The following PRKCA variants were observed in gnomAD, a reference collection of about 807,000 sequenced individuals.
PRKCA encodes protein kinase C alpha.
PRKCA carries 27 observed loss-of-function variants against 87.0 expected under a neutral mutation model. The observed-to-expected ratio is 0.31, with a 90% CI of 0.23 to 0.43. The LOEUF is 0.43. Among genes scored for constraint, PRKCA ranks in the 20% least tolerant of loss-of-function variants. PRKCA has a pLI of 1.00. For synonymous variants in PRKCA, 329 were observed against 311.1 expected, an observed-to-expected ratio of 1.06 and a Z score of -0.61; for missense variants, 518 against 852.3, an observed-to-expected ratio of 0.61 and a Z score of 4.88.
chr17:66,393,675 A>C lies in PRKCA; in HGVS notation c.205+87548A>C, dbSNP rs561635234. Among the ~76,000 whole-genome samples the C allele has an allele frequency of 6.0e-5, 9 of 151,114 alleles. No homozygotes were observed. The South Asian group carries it at 1.7e-3, about 28-fold the overall frequency. On this transcript the variant is annotated intron_variant, in intron 2 of 16. Transcript: ENST00000413366. ...GTGTGTGTGTGTGTGTGCGCCGTCA[A>C]ATGTTGGAGCTTCTGGGGACCACCC...
chr17:66,667,577 C>T (rs564700134), intron 5 of PRKCA, among the ~76,000 whole-genome samples: 3 of 152,258 alleles, frequency 2.0e-5, no homozygotes, highest in African/African-American at 7.2e-5. Context: ...CAGGTCCCTC[C>T]CACAACACAT....
At chr17:66,445,272 G>T (rs907133342) in intron 2 of PRKCA, among the ~76,000 whole-genome samples, 3 of 152,180 alleles carry the variant, frequency 2.0e-5, no homozygotes, top group African/African-American at 4.8e-5. Context: ...AGAAACCCAG[G>T]GAGGGCTGCA....
At chr17:66,644,953 G>C (rs1191433638) in intron 4 of PRKCA, among the ~76,000 whole-genome samples, 1 of 150,738 alleles carries the variant, frequency 6.6e-6, no homozygotes, top group Non-Finnish European at 1.5e-5. Context: ...TTATGCCACT[G>C]CACTCTAGCC....
At chr17:66,501,319 C>G (rs942546173) in intron 3 of PRKCA, among the ~76,000 whole-genome samples, 5 of 152,176 alleles carry the variant, frequency 3.3e-5, no homozygotes, top group Admixed American at 1.3e-4. Context: ...AAGGACCCTC[C>G]CTGGAGATCC....
chr17:66,450,412 CAG>C (rs906131796), intron 2 of PRKCA, among the ~76,000 whole-genome samples: 1 of 152,168 alleles, frequency 6.6e-6, no homozygotes, highest in Non-Finnish European at 1.5e-5. Flanking sequence ...ATGCCTTTCA[CAG>C]AGTCTGATGA....
intron 3 of PRKCA, among the ~76,000 whole-genome samples, chr17:66,500,338 A>G (rs1410302946): frequency 1.3e-5 from 2 of 152,242 alleles, no homozygotes; most frequent in Non-Finnish European, 2.9e-5. Flanking sequence ...CAAATCTGCA[A>G]GCAAATCTTA....
At chr17:66,594,653 T>C (rs941880134) in intron 3 of PRKCA, among the ~76,000 whole-genome samples, 10 of 152,092 alleles carry the variant, frequency 6.6e-5, no homozygotes, top group Admixed American at 5.2e-4. Flanking sequence ...ACATTTACAG[T>C]TAAATTCCCC....
chr17:66,438,758 A>C (rs563674183), intron 2 of PRKCA, among the ~76,000 whole-genome samples: 2 of 152,288 alleles, frequency 1.3e-5, no homozygotes, highest in African/African-American at 4.8e-5. Context: ...CGCAGCAGGA[A>C]GGAGAATGAA....
chr17:66,445,424 A>G (rs750539073), intron 2 of PRKCA, among the ~76,000 whole-genome samples: 1 of 152,246 alleles, frequency 6.6e-6, no homozygotes, highest in Non-Finnish European at 1.5e-5. Flanking sequence ...GCCATTCAGA[A>G]GAATTACCTC....
chr17:66,666,159 A>G (rs961760523), intron 5 of PRKCA, among the ~76,000 whole-genome samples: 3 of 152,234 alleles, frequency 2.0e-5, no homozygotes, highest in South Asian at 4.1e-4. Context: ...GCACCATCAC[A>G]TAGACTACAT....
intron 3 of PRKCA, among the ~76,000 whole-genome samples, chr17:66,544,043 C>T (rs1968073859): frequency 1.3e-5 from 2 of 152,140 alleles, no homozygotes; most frequent in African/African-American, 4.8e-5. Flanking sequence ...GAAACCCTGA[C>T]TGTACTAAAA....
intron 3 of PRKCA, among the ~76,000 whole-genome samples, chr17:66,575,548 C>T (rs1379302357): frequency 6.6e-6 from 1 of 152,120 alleles, no homozygotes; most frequent in Non-Finnish European, 1.5e-5. Flanking sequence ...TCCTTGCACT[C>T]CAGCCTGGGT....
intron 8 of PRKCA, among the ~76,000 whole-genome samples, chr17:66,721,596 G>T (rs1373194586): frequency 2.6e-5 from 4 of 152,138 alleles, no homozygotes; most frequent in Non-Finnish European, 5.9e-5. Flanking sequence ...ACCACTGGAT[G>T]TTACCATGGC....
At chr17:66,665,571 T>C (rs888066734) in intron 5 of PRKCA, among the ~76,000 whole-genome samples, 9 of 152,170 alleles carry the variant, frequency 5.9e-5, no homozygotes, top group Admixed American at 2.0e-4. Context: ...CACTCCTCCA[T>C]GCCGGATTTC....
At chr17:66,558,042 T>C (rs1167536763) in intron 3 of PRKCA, among the ~76,000 whole-genome samples, 1 of 152,230 alleles carries the variant, frequency 6.6e-6, no homozygotes, top group South Asian at 2.1e-4. Flanking sequence ...CCGTTCCCAA[T>C]TGCTGAAATG....
chr17:66,645,805 C>T (rs977154817), intron 5 of PRKCA, among the ~76,000 whole-genome samples: 12 of 152,062 alleles, frequency 7.9e-5, no homozygotes, highest in African/African-American at 2.9e-4. Flanking sequence ...ACTCTCCTCC[C>T]GGTGACAGGG....
chr17:66,700,626 A>G (rs1387031777), intron 8 of PRKCA, among the ~76,000 whole-genome samples: 1 of 152,226 alleles, frequency 6.6e-6, no homozygotes, highest in Non-Finnish European at 1.5e-5. Flanking sequence ...TCAAAATACA[A>G]AAATCAGTTG....
intron 2 of PRKCA, among the ~76,000 whole-genome samples, chr17:66,311,796 G>A (rs1482494283): frequency 6.6e-6 from 1 of 152,098 alleles, no homozygotes; most frequent in Non-Finnish European, 1.5e-5. Context: ...TTTCTGAATT[G>A]CTACTCTTTT....
chr17:66,766,808 CAA>C (rs559889725), intron 13 of PRKCA, among the ~76,000 whole-genome samples: 9,823 of 104,334 alleles, frequency 0.094, 433 homozygotes, highest in African/African-American at 0.18. Flanking sequence ...AACTCCTTCT[CAA>C]AAAAAAAAAA....
Sources: allele counts gnomAD v4.1 joint callset (sites outside exome capture counted in the v4.1 genomes callset), GRCh38; gene constraint gnomAD v4.1.1; transcripts MANE v1.5; gene names NCBI Gene and HGNC (gene_info 2026-07-23, HGNC 2026-07-21).